Variants in DOCK4 observed in about 807,000 individuals in gnomAD.
DOCK4 encodes dedicator of cytokinesis protein 4.
In DOCK4, 97 loss-of-function variants were observed where a neutral mutation model predicts 268.1. The ratio of observed to expected loss-of-function variants is 0.36; its 90% confidence interval spans 0.31 to 0.43. DOCK4 has a LOEUF of 0.43. Among genes scored for constraint, DOCK4 ranks in the 20% least tolerant of loss-of-function variants. The pLI is 1.00. For synonymous variants in DOCK4, 954 were observed against 887.2 expected (o/e 1.08, Z -1.34); for missense variants, 2,145 against 2,455.7 (o/e 0.87, Z 2.67).
At chr7:111,822,322 A>G (rs2133967728) in intron 27 of DOCK4, 40 bp downstream of exon 27, 1 of 1,537,938 alleles carries the variant, frequency 6.5e-7, no homozygotes, top group East Asian at 2.3e-5. Flanking sequence ...TTCTTCCTCT[A>G]TACATTGAGC....
chr7:112,197,060 C>G (rs868724173), intron 1 of DOCK4, among the ~76,000 whole-genome samples: 2 of 152,068 alleles, frequency 1.3e-5, no homozygotes, highest in African/African-American at 4.8e-5. Context: ...GGAAATTTCA[C>G]GTGAATTTTG....
At chr7:111,909,340 G>T (rs545163275) in intron 13 of DOCK4, among the ~76,000 whole-genome samples, 2 of 152,106 alleles carry the variant, frequency 1.3e-5, no homozygotes, top group African/African-American at 4.8e-5. Context: ...CATATCCTTC[G>T]AAATTGCTTA....
At chr7:112,115,808 A>C (rs1181715458) in intron 1 of DOCK4, among the ~76,000 whole-genome samples, 1 of 152,168 alleles carries the variant, frequency 6.6e-6, no homozygotes, top group African/African-American at 2.4e-5. Context: ...CAGCCTCCTG[A>C]GTAGCAGGAC....
At chr7:111,770,188 G>C (rs1162119055) in intron 36 of DOCK4, among the ~76,000 whole-genome samples, 1 of 150,202 alleles carries the variant, frequency 6.7e-6, no homozygotes, top group African/African-American at 2.5e-5. Flanking sequence ...GAATTTACAA[G>C]GGGCAAAGAA....
intron 1 of DOCK4, among the ~76,000 whole-genome samples, chr7:112,032,244 T>A (rs907921475): frequency 6.6e-6 from 1 of 152,198 alleles, no homozygotes. Context: ...AGGAAGAGAA[T>A]AAACAAAAAT....
At chr7:111,868,582 T>C (rs1039361155) in intron 21 of DOCK4, among the ~76,000 whole-genome samples, 1 of 151,966 alleles carries the variant, frequency 6.6e-6, no homozygotes. Context: ...TGGTGGCCCA[T>C]GCCTGTAATC....
At chr7:112,069,388 G>C (rs59546169) in intron 1 of DOCK4, among the ~76,000 whole-genome samples, 239 of 152,142 alleles carry the variant, frequency 1.6e-3, no homozygotes, top group African/African-American at 5.3e-3. Context: ...AGCCTAATGA[G>C]GTAAGTAGCA....
chr7:112,048,733 A>G (rs1586717138), intron 1 of DOCK4, among the ~76,000 whole-genome samples: 1 of 152,158 alleles, frequency 6.6e-6, no homozygotes, highest in African/African-American at 2.4e-5. Context: ...AAAGAAAAAA[A>G]AAACATCAAC....
chr7:112,149,203 A>G (rs1815807324), intron 1 of DOCK4, among the ~76,000 whole-genome samples: 1 of 152,150 alleles, frequency 6.6e-6, no homozygotes, highest in Non-Finnish European at 1.5e-5. Context: ...GGCCCTTCCC[A>G]GGCTCTGGAA....
At chr7:111,915,679 T>C in intron 13 of DOCK4, 100 bp downstream of exon 13, 1 of 1,273,784 alleles carries the variant, frequency 7.9e-7, no homozygotes, top group Non-Finnish European at 1.1e-6. Flanking sequence ...GCATGGCCCA[T>C]GTGAATGCTT....
intron 1 of DOCK4, among the ~76,000 whole-genome samples, chr7:112,156,635 G>A (rs974072636): frequency 2.0e-5 from 3 of 152,124 alleles, no homozygotes; most frequent in Admixed American, 1.3e-4. Flanking sequence ...GTGTAAGGAG[G>A]CGCTACCCAG....
chr7:112,065,550 A>G (rs981540569), intron 1 of DOCK4, among the ~76,000 whole-genome samples: 6 of 149,796 alleles, frequency 4.0e-5, no homozygotes, highest in Admixed American at 2.7e-4. Context: ...TGGCTCTCCA[A>G]TTCCAGCCTA....
At position 112,120,606 on chromosome 7, in the gene DOCK4, A is replaced by G. The variant is rs560560700; in HGVS notation, c.37+85496T>C. ...ATAAACCTGGTTTGACATAAAGTCA[A>G]CTTCTAATTATTCACCCTCACAATA... On this transcript the variant is annotated intron_variant, in intron 1 of 52. Coordinates refer to ENST00000428084, the MANE Select transcript of DOCK4 (RefSeq NM_001363540.2). 1.2e-4 allele frequency among the ~76,000 whole-genome samples: 19 copies of G among 152,322 alleles called. No homozygotes were observed. In the South Asian group the frequency reaches 3.9e-3, roughly 32 times the overall value.
chr7:112,008,950 G>A (rs2135346902), intron 1 of DOCK4, among the ~76,000 whole-genome samples: 1 of 152,326 alleles, frequency 6.6e-6, no homozygotes. Context: ...CTGAGATCGT[G>A]CCACTGCACT....
At chr7:112,074,957 A>G (rs1807930271) in intron 1 of DOCK4, among the ~76,000 whole-genome samples, 1 of 152,204 alleles carries the variant, frequency 6.6e-6, no homozygotes, top group African/African-American at 2.4e-5. Flanking sequence ...GTTGAAACAC[A>G]TTTGATCCCT....
intron 25 of DOCK4, among the ~76,000 whole-genome samples, chr7:111,835,217 A>G (rs1021050794): frequency 2.0e-4 from 31 of 152,142 alleles, no homozygotes; most frequent in African/African-American, 6.0e-4. Context: ...CTGTAGCTTC[A>G]TGCTCCATTT....
chr7:111,729,860 G>C lies in DOCK4; in HGVS notation c.5482-1140C>G, dbSNP rs187146272. Reference sequence around the variant, plus strand: ...TGAACTGGCGAACTGGCAGCCCTCGGGGCTGTAGCCTGTGATGTGAGCTGT... The same window carrying C: ...TGAACTGGCGAACTGGCAGCCCTCGCGGCTGTAGCCTGTGATGTGAGCTGT... On this transcript the variant is annotated intron_variant, in intron 52 of 52. Transcript: ENST00000428084. Among the ~76,000 whole-genome samples the C allele has an allele frequency of 2.2e-3, 330 of 152,280 alleles. 2 individuals are homozygous for C. The highest frequency in any genetic ancestry group is 7.6e-3 in the African/African-American group (316 of 41,546).
At chr7:112,083,802 A>G (rs557167662) in intron 1 of DOCK4, among the ~76,000 whole-genome samples, 2 of 152,302 alleles carry the variant, frequency 1.3e-5, no homozygotes, top group East Asian at 1.9e-4. Context: ...GGATCATACC[A>G]AAGGCTTAGT....
chr7:112,089,738 CG>C (rs1809453179), intron 1 of DOCK4, among the ~76,000 whole-genome samples: 1 of 152,114 alleles, frequency 6.6e-6, no homozygotes, highest in Admixed American at 6.5e-5. Context: ...TCCCCCTTCT[CG>C]CTCTTCCTCC....
Sources: allele counts gnomAD v4.1 joint callset (sites outside exome capture counted in the v4.1 genomes callset), GRCh38; gene constraint gnomAD v4.1.1; transcripts MANE v1.5; gene names NCBI Gene and HGNC (gene_info 2026-07-23, HGNC 2026-07-21).